Variants in SYNDIG1 observed in about 807,000 individuals in gnomAD.
SYNDIG1 encodes synapse differentiation inducing 1.
A neutral mutation model predicts 19.4 loss-of-function variants in SYNDIG1; 9 were observed. That is an observed-to-expected ratio of 0.46 (90% CI 0.28 to 0.81). SYNDIG1 has a LOEUF of 0.81. Among genes scored for constraint, SYNDIG1 ranks in the 30% least tolerant of loss-of-function variants. The probability of loss-of-function intolerance (pLI) is 0.12; values close to 1 mark genes in which losing one functional copy is unlikely to be tolerated. For missense variants in SYNDIG1, 311 were observed against 343.3 expected, an observed-to-expected ratio of 0.91 and a Z score of 0.74; for synonymous variants, 141 against 145.9, an observed-to-expected ratio of 0.97 and a Z score of 0.24.
intron 3 of SYNDIG1, among the ~76,000 whole-genome samples, chr20:24,629,870 C>T (rs143941598): frequency 3.0e-4 from 46 of 152,260 alleles, no homozygotes; most frequent in African/African-American, 8.7e-4. Context: ...TATCAGCTGC[C>T]GAGATAACTG....
chr20:24,508,811 G>A (rs146428275), intron 1 of SYNDIG1, among the ~76,000 whole-genome samples: 28 of 152,206 alleles, frequency 1.8e-4, no homozygotes, highest in African/African-American at 3.9e-4. Context: ...CCCTGCAGGC[G>A]CAGGCTGGAG....
intron 3 of SYNDIG1, among the ~76,000 whole-genome samples, chr20:24,632,712 A>G (rs528024800): frequency 6.6e-6 from 1 of 152,336 alleles, no homozygotes; most frequent in East Asian, 1.9e-4. Flanking sequence ...TGAGCGGGGA[A>G]ACAGCAGGAA....
chr20:24,551,402 T>C (rs765506039), intron 2 of SYNDIG1, among the ~76,000 whole-genome samples: 5 of 152,206 alleles, frequency 3.3e-5, no homozygotes, highest in African/African-American at 4.8e-5. Flanking sequence ...TAGATAGAAA[T>C]TGATCATTTT....
At chr20:24,490,645 T>C (rs1427736441) in intron 1 of SYNDIG1, among the ~76,000 whole-genome samples, 2 of 152,122 alleles carry the variant, frequency 1.3e-5, no homozygotes, top group African/African-American at 4.8e-5. Context: ...GGATGAGAGA[T>C]GTGCAGTGCT....
chr20:24,555,058 T>C (rs1283171365), intron 2 of SYNDIG1, among the ~76,000 whole-genome samples: 1 of 152,208 alleles, frequency 6.6e-6, no homozygotes, highest in Non-Finnish European at 1.5e-5. Context: ...AAGGAATTTA[T>C]CCATTTCTTC....
chr20:24,623,379 G>T (rs1377249377), intron 3 of SYNDIG1, among the ~76,000 whole-genome samples: 1 of 152,106 alleles, frequency 6.6e-6, no homozygotes, highest in Admixed American at 6.5e-5. Flanking sequence ...CAGCAGGTCT[G>T]AAGTCTATAA....
At chr20:24,479,119 A>G (rs1392144473) in intron 1 of SYNDIG1, among the ~76,000 whole-genome samples, 2 of 152,184 alleles carry the variant, frequency 1.3e-5, no homozygotes, top group African/African-American at 2.4e-5. Context: ...CAGTCTCTCC[A>G]TAAGACTAAG....
chr20:24,627,628 C>T (rs1024152333), intron 3 of SYNDIG1, among the ~76,000 whole-genome samples: 12 of 152,282 alleles, frequency 7.9e-5, no homozygotes, highest in Non-Finnish European at 1.6e-4. Flanking sequence ...AAGCCTTCCC[C>T]GGTTCCCGGG....
At chr20:24,510,624 G>A (rs2056722161) in intron 1 of SYNDIG1, among the ~76,000 whole-genome samples, 1 of 150,164 alleles carries the variant, frequency 6.7e-6, no homozygotes, top group Non-Finnish European at 1.5e-5. Flanking sequence ...TCATATTTTT[G>A]TCTTTTGTAT....
At chr20:24,604,848 C>T (rs2058730833) in intron 3 of SYNDIG1, among the ~76,000 whole-genome samples, 1 of 152,188 alleles carries the variant, frequency 6.6e-6, no homozygotes, top group Non-Finnish European at 1.5e-5. Flanking sequence ...ATCGGGACTC[C>T]TTTCCGGTAA....
In SYNDIG1 at chr20:24,658,055, C is replaced by T. The variant is rs923780655; in HGVS notation, c.619-7291C>T. The stretch of plus-strand genomic sequence containing the variant: ...TGTGCTGGCCCCGGTCCATGGATGA[C>T]GGGGACTGTGGAAACAGCGACCTTG... On this transcript the variant is annotated intron_variant, in intron 3 of 3. Coordinates refer to ENST00000376862, the MANE Select transcript of SYNDIG1 (RefSeq NM_024893.3). The surrounding 1 kb of genome is among the most constrained non-coding windows in gnomAD (Gnocchi z 4.4). 2.0e-5 allele frequency among the ~76,000 whole-genome samples: 3 copies of T among 151,514 alleles called. No homozygotes were observed. Among genetic ancestry groups the T allele is most frequent in the Admixed American group, 6.6e-5 (1 of 15,190 alleles).
At chr20:24,624,255 CAAA>C (rs201904792) in intron 3 of SYNDIG1, among the ~76,000 whole-genome samples, 3 of 94,690 alleles carry the variant, frequency 3.2e-5, no homozygotes, top group Non-Finnish European at 4.1e-5. Context: ...GACTCCATCT[CAAA>C]AAAAAAAAAA....
At chr20:24,626,429 T>A (rs2059136662) in intron 3 of SYNDIG1, among the ~76,000 whole-genome samples, 2 of 147,712 alleles carry the variant, frequency 1.4e-5, no homozygotes, top group Admixed American at 1.3e-4. Context: ...GCTCCTCACA[T>A]CCTAGACGGG....
At chr20:24,626,205 C>T (rs1168527476) in intron 3 of SYNDIG1, among the ~76,000 whole-genome samples, 1 of 107,190 alleles carries the variant, frequency 9.3e-6, no homozygotes, top group Admixed American at 8.2e-5. Flanking sequence ...GGGCGGCTGG[C>T]CTGGCGGGGG....
intron 2 of SYNDIG1, among the ~76,000 whole-genome samples, chr20:24,578,441 C>CAAAA (rs11087470): frequency 8.5e-6 from 1 of 118,330 alleles, no homozygotes; most frequent in Non-Finnish European, 1.8e-5. Flanking sequence ...GACTCTGTAT[C>CAAAA]AAAAAAAAAA....
intron 1 of SYNDIG1, among the ~76,000 whole-genome samples, chr20:24,496,523 G>T (rs1403435539): frequency 6.6e-6 from 1 of 152,104 alleles, no homozygotes; most frequent in Non-Finnish European, 1.5e-5. Flanking sequence ...GTGGGTTTTG[G>T]CATTGGGCAC....
chr20:24,554,405 A>T (rs1320920844), intron 2 of SYNDIG1, among the ~76,000 whole-genome samples: 1 of 152,192 alleles, frequency 6.6e-6, no homozygotes, highest in Non-Finnish European at 1.5e-5. Context: ...GAATGCTTCC[A>T]GTTTTTGCCC....
chr20:24,507,862 T>C (rs1308914895), intron 1 of SYNDIG1, among the ~76,000 whole-genome samples: 1 of 152,150 alleles, frequency 6.6e-6, no homozygotes, highest in African/African-American at 2.4e-5. Context: ...CTCAAGGAGC[T>C]CATCTCCGAG....
intron 3 of SYNDIG1, among the ~76,000 whole-genome samples, chr20:24,632,990 C>T (rs1024204004): frequency 6.7e-6 from 1 of 150,300 alleles, no homozygotes; most frequent in Non-Finnish European, 1.5e-5. Context: ...AAAGTTACCA[C>T]AGGCTTTCAT....
Sources: gnomAD v4.1 joint callset for allele counts (sites outside exome capture counted in the v4.1 genomes callset) on GRCh38, gnomAD v4.1.1 for gene constraint, Gnocchi (gnomAD v3.1) non-coding constraint, MANE v1.5 for transcripts, NCBI Gene and HGNC (gene_info 2026-07-23, HGNC 2026-07-21) for gene names.